GOT2: variants seen among roughly 807,000 people sequenced by gnomAD.
GOT2 encodes glutamic-oxaloacetic transaminase 2.
GOT2 carries 17 observed loss-of-function variants against 50.0 expected under a neutral mutation model. The ratio of observed to expected loss-of-function variants is 0.34; its 90% CI spans 0.23 to 0.51. GOT2 has a LOEUF of 0.51. GOT2 is among the 20% of genes least tolerant of loss of function. The pLI is 0.97. For synonymous variants in GOT2, 172 were observed against 204.9 expected (o/e 0.84, Z 1.37); for missense variants, 430 against 559.6 (o/e 0.77, Z 2.34).
At chr16:58,718,431 G>T in intron 5 of GOT2, 96 bp downstream of exon 5, 1 of 1,362,876 alleles carries the variant, frequency 7.3e-7, no homozygotes, top group Non-Finnish European at 1.0e-6. Context: ...CTCTTCCCCA[G>T]TATTTTAACT....
chr16:58,729,564 A>C (rs987533348), intron 1 of GOT2, among the ~76,000 whole-genome samples: 2 of 151,962 alleles, frequency 1.3e-5, no homozygotes, highest in African/African-American at 4.8e-5. Context: ...ACCCTCAATC[A>C]TAACAAAGCC....
At chr16:58,723,386 T>C (rs1410914168) in intron 2 of GOT2, among the ~76,000 whole-genome samples, 3 of 152,122 alleles carry the variant, frequency 2.0e-5, no homozygotes, top group African/African-American at 7.2e-5. Context: ...AAAATAAAAA[T>C]AGTAATCCAC....
chr16:58,709,526 A>G lies in GOT2; in HGVS notation c.1061T>C (p.Met354Thr), dbSNP rs143650524. The stretch of plus-strand genomic sequence containing the variant: ...GAGGTTGGAGACCAGTTGAGTCCGC[A>G]TGCCAATGATGCGGTCAGCCATGAC... ...VKVMADRIIG[M>T]RTQLVSNLKK... The change falls in exon 9 of 10, where the codon ATG (methionine) becomes ACG (threonine). Residue 354 changes from methionine to threonine, a missense_variant. By Grantham distance (81) the Met-to-Thr change is moderately conservative (BLOSUM62 -1). Transcript: ENST00000245206. The G allele has an allele frequency of 6.2e-7, 1 of 1,613,304 alleles. No individual in the cohort carries two copies. The highest frequency in any genetic ancestry group is 8.5e-7 in the Non-Finnish European group (1 of 1,179,296).
intron 8 of GOT2, among the ~76,000 whole-genome samples, chr16:58,712,131 G>A (rs557015814): frequency 1.3e-4 from 20 of 150,896 alleles, no homozygotes; most frequent in African/African-American, 2.2e-4. Flanking sequence ...CTCACATGCC[G>A]CAGTCCTCAT....
At chr16:58,730,195 A>G (rs2044823295) in intron 1 of GOT2, among the ~76,000 whole-genome samples, 1 of 152,138 alleles carries the variant, frequency 6.6e-6, no homozygotes, top group South Asian at 2.1e-4. Flanking sequence ...GGGCAGAGGC[A>G]TGGGAGGTTT....
intron 1 of GOT2, among the ~76,000 whole-genome samples, chr16:58,731,544 GAATTA>G (rs1197929099): frequency 1.3e-5 from 2 of 152,160 alleles, no homozygotes; most frequent in African/African-American, 4.8e-5. Context: ...TAAATAATCA[GAATTA>G]AATAATTAAA....
Position 58,718,635 on chromosome 16 carries a change from T to C in GOT2, c.489A>G (p.Gly163=), listed in dbSNP as rs760396699. 1 of 1,607,020 alleles carries C rather than the reference T, an allele frequency of 6.2e-7. No individual in the cohort carries two copies. The highest frequency in any genetic ancestry group is 1.1e-5 in the South Asian group (1 of 90,120). The change falls in exon 5 of 10, where the codon GGA becomes GGG. Residue 163 remains glycine, a synonymous_variant. Coordinates refer to ENST00000245206, the MANE Select transcript of GOT2 (RefSeq NM_002080.4). ...RDVFLPKPTW[G]NHTPIFRDAG... ...CATCCCTGAAGATGGGTGTGTGGTT[T>C]CCCCAGGTTGGTTTGGGCAGAAAGA...
chr16:58,716,277 A>G, intron 7 of GOT2, 98 bp from the exon 8 acceptor site: 1 of 1,169,164 alleles, frequency 8.6e-7, no homozygotes, highest in South Asian at 1.4e-5. Context: ...TTTCCATCCA[A>G]AGGACCCCAA....
chr16:58,718,384 G>T, intron 5 of GOT2, 84 bp from the exon 6 acceptor site: 3 of 1,372,932 alleles, frequency 2.2e-6, no homozygotes, highest in South Asian at 2.5e-5. Context: ...GTCATCATTT[G>T]ATAAGTAACA....
intron 8 of GOT2, among the ~76,000 whole-genome samples, chr16:58,710,739 G>A (rs1214246690): frequency 6.7e-5 from 4 of 59,322 alleles, no homozygotes; most frequent in South Asian, 5.9e-4. Flanking sequence ...AAAATTAGCC[G>A]GGCGGATCAC....
chr16:58,727,243 C>T (rs1055015093), intron 1 of GOT2, among the ~76,000 whole-genome samples: 1 of 152,198 alleles, frequency 6.6e-6, no homozygotes, highest in Non-Finnish European at 1.5e-5. Context: ...ATCCTCCCAC[C>T]TCAGCCTTTC....
chr16:58,734,037 CAG>C, intron 1 of GOT2, 101 bp downstream of exon 1: 1 of 503,772 alleles, frequency 2.0e-6, no homozygotes, highest in Non-Finnish European at 3.1e-6. Flanking sequence ...GTGTGAGTGA[CAG>C]TGTGTATTTG....
chr16:58,725,112 C>CTTTTTT lies in GOT2; in HGVS notation c.90-1216_90-1211dup, dbSNP rs34912264. ...TGCCAGCTTGACAATTTCTTTCTTT[C>CTTTTTT]TTTTTTTTTTTTGGAGCTGGGGGAT... On this transcript the variant is annotated intron_variant, in intron 1 of 9. Coordinates refer to ENST00000245206, the MANE Select transcript of GOT2 (RefSeq NM_002080.4). 2.1e-5 allele frequency among the ~76,000 whole-genome samples: 3 copies of CTTTTTT among 145,466 alleles called. 1 individual carries two copies. The highest frequency in any genetic ancestry group is 4.5e-5 in the Non-Finnish European group (3 of 66,540).
chr16:58,732,837 T>C (rs2044846248), intron 1 of GOT2, among the ~76,000 whole-genome samples: 1 of 152,246 alleles, frequency 6.6e-6, no homozygotes, highest in Non-Finnish European at 1.5e-5. Context: ...TAAGCACTCC[T>C]TTGGTTTTCC....
At chr16:58,731,876 G>C (rs1439750551) in intron 1 of GOT2, among the ~76,000 whole-genome samples, 1 of 152,216 alleles carries the variant, frequency 6.6e-6, no homozygotes, top group African/African-American at 2.4e-5. Flanking sequence ...ACCATTTGGA[G>C]CTAGGTAAAG....
At chr16:58,730,479 G>A (rs951687351) in intron 1 of GOT2, among the ~76,000 whole-genome samples, 2 of 151,836 alleles carry the variant, frequency 1.3e-5, no homozygotes, top group Non-Finnish European at 2.9e-5. Context: ...CTACCTCCCG[G>A]GCTCAAGTGA....
intron 1 of GOT2, among the ~76,000 whole-genome samples, chr16:58,726,653 G>A (rs1158895648): frequency 1.3e-5 from 2 of 150,982 alleles, no homozygotes; most frequent in East Asian, 4.0e-4. Context: ...CACCCCGCCT[G>A]GCTAATTTTT....
chr16:58,709,678 C>T, intron 8 of GOT2, 111 bp from the exon 9 acceptor site: 1 of 807,720 alleles, frequency 1.2e-6, no homozygotes, highest in Non-Finnish European at 1.9e-6. Context: ...CCTCAATTCT[C>T]AGGTCACGAA....
intron 9 of GOT2, chr16:58,709,209 G>A: frequency 2.2e-6 from 1 of 459,030 alleles, no homozygotes; most frequent in Non-Finnish European, 3.9e-6. Flanking sequence ...GTTGCAGTGA[G>A]CTGAGATTGC....
Sources: allele counts gnomAD v4.1 joint callset (sites outside exome capture counted in the v4.1 genomes callset), GRCh38; gene constraint gnomAD v4.1.1; transcripts MANE v1.5; gene names NCBI Gene and HGNC (gene_info 2026-07-23, HGNC 2026-07-21).